Variants in PPARGC1A observed in about 807,000 individuals in gnomAD.
The protein encoded by PPARGC1A is PPARG coactivator 1 alpha.
PPARGC1A carries 25 observed loss-of-function variants against 88.7 expected under a neutral mutation model. That is an observed-to-expected ratio of 0.28 (90% CI 0.21 to 0.39). The LOEUF is 0.39. Among genes scored for constraint, PPARGC1A ranks in the 10% least tolerant of loss-of-function variants. The pLI is 1.00. For synonymous variants in PPARGC1A, 363 were observed against 355.6 expected (o/e 1.02, Z -0.24); for missense variants, 880 against 968.7 (o/e 0.91, Z 1.22).
the PPARGC1A span, among the ~76,000 whole-genome samples, chr4:24,177,370 A>C: frequency 6.6e-6 from 1 of 151,978 alleles, no homozygotes; most frequent in Non-Finnish European, 1.5e-5. Context: ...ACAAGGACAA[A>C]AAACCAAACA....
the PPARGC1A span, among the ~76,000 whole-genome samples, chr4:24,352,299 G>C: frequency 2.6e-5 from 4 of 152,148 alleles, no homozygotes; most frequent in Non-Finnish European, 5.9e-5. Flanking sequence ...AAAGCACAGG[G>C]ATGTAAGGCG....
At chr4:24,424,415 A>G in the PPARGC1A span, among the ~76,000 whole-genome samples, 1 of 151,676 alleles carries the variant, frequency 6.6e-6, no homozygotes, top group Non-Finnish European at 1.5e-5. Flanking sequence ...AGCTGGGACT[A>G]CAGGCGCCCG....
the PPARGC1A span, among the ~76,000 whole-genome samples, chr4:24,134,372 A>G: frequency 1.3e-5 from 2 of 152,238 alleles, no homozygotes; most frequent in African/African-American, 4.8e-5. Flanking sequence ...CTTAGAGATA[A>G]ATGTTTACAA....
the PPARGC1A span, among the ~76,000 whole-genome samples, chr4:23,958,360 T>C: frequency 1.3e-5 from 2 of 152,230 alleles, no homozygotes; most frequent in African/African-American, 4.8e-5. Flanking sequence ...TGTAAGTCAG[T>C]GTACTGAGGT....
the PPARGC1A span, among the ~76,000 whole-genome samples, chr4:24,458,247 C>T: frequency 6.6e-6 from 1 of 152,172 alleles, no homozygotes; most frequent in South Asian, 2.1e-4. Context: ...CATCTGTAAT[C>T]CCAGCACTTT....
At chr4:24,409,808 T>C in the PPARGC1A span, among the ~76,000 whole-genome samples, 2 of 152,308 alleles carry the variant, frequency 1.3e-5, no homozygotes, top group Non-Finnish European at 2.9e-5. Context: ...TTTACATGAC[T>C]GCATGTGATT....
chr4:24,404,190 G>C, the PPARGC1A span, among the ~76,000 whole-genome samples: 1 of 152,076 alleles, frequency 6.6e-6, no homozygotes, highest in Non-Finnish European at 1.5e-5. Context: ...TTGAATCTGG[G>C]AGGCAGAGGT....
the PPARGC1A span, among the ~76,000 whole-genome samples, chr4:24,082,338 AGG>A: frequency 4.6e-5 from 7 of 152,084 alleles, no homozygotes; most frequent in Non-Finnish European, 8.8e-5. Context: ...ACTTTATGAG[AGG>A]CTTTAGAGAG....
chr4:24,355,744 C>A, the PPARGC1A span, among the ~76,000 whole-genome samples: 1 of 151,930 alleles, frequency 6.6e-6, no homozygotes, highest in South Asian at 2.1e-4. Flanking sequence ...GAGAGACAAG[C>A]GACACACAAA....
the PPARGC1A span, among the ~76,000 whole-genome samples, chr4:24,339,263 C>CAT: frequency 6.7e-6 from 1 of 149,330 alleles, no homozygotes; most frequent in Admixed American, 6.6e-5. Context: ...CACACACACA[C>CAT]ACATCAGAAT....
chr4:24,460,061 C>G, the PPARGC1A span, among the ~76,000 whole-genome samples: 1 of 152,076 alleles, frequency 6.6e-6, no homozygotes, highest in African/African-American at 2.4e-5. Context: ...GACTCAATAG[C>G]CTGAAATGAC....
the PPARGC1A span, among the ~76,000 whole-genome samples, chr4:24,447,598 G>A: frequency 6.6e-6 from 1 of 152,202 alleles, no homozygotes; most frequent in Non-Finnish European, 1.5e-5. Flanking sequence ...AGTCCATGAT[G>A]TGTCTGAATC....
At chr4:24,154,220 A>C in the PPARGC1A span, among the ~76,000 whole-genome samples, 1 of 150,274 alleles carries the variant, frequency 6.7e-6, no homozygotes, top group African/African-American at 2.5e-5. Context: ...TACGCTCATA[A>C]GCTGTGTTCT....
the PPARGC1A span, among the ~76,000 whole-genome samples, chr4:24,228,138 T>C: frequency 7.2e-5 from 11 of 152,158 alleles, no homozygotes; most frequent in Non-Finnish European, 1.5e-4. Context: ...CTGCAATGAT[T>C]GGATGGATAA....
the PPARGC1A span, among the ~76,000 whole-genome samples, chr4:24,252,835 A>G: frequency 6.6e-6 from 1 of 152,204 alleles, no homozygotes; most frequent in Non-Finnish European, 1.5e-5. Context: ...AACATTTCAG[A>G]TTATCAGAAA....
At chr4:24,269,959 G>C in the PPARGC1A span, among the ~76,000 whole-genome samples, 1 of 152,152 alleles carries the variant, frequency 6.6e-6, no homozygotes, top group African/African-American at 2.4e-5. Flanking sequence ...AACTTGACTG[G>C]GCCATGAGAC....
the PPARGC1A span, among the ~76,000 whole-genome samples, chr4:24,029,464 A>C: frequency 6.6e-6 from 1 of 152,174 alleles, no homozygotes; most frequent in Non-Finnish European, 1.5e-5. Flanking sequence ...GCAAAGGAAA[A>C]TCCGGATTGG....
At chr4:23,964,376 T>C in the PPARGC1A span, among the ~76,000 whole-genome samples, 2 of 152,174 alleles carry the variant, frequency 1.3e-5, no homozygotes, top group African/African-American at 4.8e-5. Context: ...TGATTTAAAA[T>C]ATGTTAAGAG....
chr4:24,205,705 T>C, the PPARGC1A span, among the ~76,000 whole-genome samples: 6 of 152,178 alleles, frequency 3.9e-5, no homozygotes, highest in African/African-American at 1.4e-4. Flanking sequence ...GGCTGGAATA[T>C]GATCACTATA....
Sources: allele counts gnomAD v4.1 joint callset (sites outside exome capture counted in the v4.1 genomes callset), GRCh38; gene constraint gnomAD v4.1.1; transcripts MANE v1.5; gene names NCBI Gene and HGNC (gene_info 2026-07-23, HGNC 2026-07-21).